Variants in PTBP3 observed in about 807,000 individuals in gnomAD.
The protein encoded by PTBP3 is polypyrimidine tract-binding protein 3.
In PTBP3, 20 loss-of-function variants were observed where a neutral mutation model predicts 58.7. That is an observed-to-expected ratio of 0.34 (90% CI 0.24 to 0.50). The LOEUF (loss-of-function observed/expected upper bound fraction) is 0.50. Ranked by LOEUF, PTBP3 falls within the 20% of genes least tolerant of loss-of-function variation. PTBP3 has a pLI of 0.98. For missense variants in PTBP3, 509 were observed against 637.2 expected, an observed-to-expected ratio of 0.80 and a Z score of 2.17; for synonymous variants, 185 against 219.8, an observed-to-expected ratio of 0.84 and a Z score of 1.40.
chr9:112,300,118 A>G (rs1828854455), intron 1 of PTBP3, among the ~76,000 whole-genome samples: 1 of 152,234 alleles, frequency 6.6e-6, no homozygotes, highest in Admixed American at 6.5e-5. Context: ...GTGGGGTGAC[A>G]AAAACTCTTA....
In PTBP3 at chr9:112,273,283, G is replaced by A. The variant is rs147371671; in HGVS notation, c.204+2561C>T. On this transcript the variant is annotated intron_variant, in intron 3 of 13. Transcript: ENST00000374257. Reference sequence around the variant, plus strand: ...ATTTAAAGGTAAAAATGTCCGTGATGTACTTTGAAGCCATTATCCACTTGT... The same window carrying A: ...ATTTAAAGGTAAAAATGTCCGTGATATACTTTGAAGCCATTATCCACTTGT... Among the ~76,000 whole-genome samples the A allele has an allele frequency of 7.9e-5, 12 of 152,290 alleles. No homozygotes were observed. The East Asian group carries it at 1.3e-3, about 17-fold the overall frequency.
intron 3 of PTBP3, 134 bp from the exon 4 acceptor site, chr9:112,268,329 A>G (rs1159093075): frequency 1.3e-6 from 1 of 778,344 alleles, no homozygotes; most frequent in Non-Finnish European, 1.9e-6. Flanking sequence ...GGGAGGGAAA[A>G]ACAAAAAAAC....
At chr9:112,342,276 C>T in the PTBP3 span, among the ~76,000 whole-genome samples, 3 of 152,150 alleles carry the variant, frequency 2.0e-5, no homozygotes, top group Non-Finnish European at 2.9e-5. Flanking sequence ...TCCAGCTTGC[C>T]GATGGCCTAT....
At chr9:112,297,456 C>T (rs1255070735) in intron 2 of PTBP3, among the ~76,000 whole-genome samples, 7 of 152,192 alleles carry the variant, frequency 4.6e-5, no homozygotes, top group South Asian at 2.1e-4. Context: ...CAGCCAGCCT[C>T]GGCCTCCCAA....
intron 9 of PTBP3, among the ~76,000 whole-genome samples, 176 bp from the exon 10 acceptor site, chr9:112,231,589 A>C (rs1368891093): frequency 2.0e-5 from 3 of 152,216 alleles, no homozygotes; most frequent in African/African-American, 7.2e-5. Context: ...AAGCATTTTA[A>C]TTTGAATACA....
the PTBP3 span, among the ~76,000 whole-genome samples, chr9:112,376,360 TCTC>T: frequency 6.7e-6 from 1 of 148,600 alleles, no homozygotes; most frequent in Admixed American, 6.9e-5. Context: ...TTCAAGCGAT[TCTC>T]CTGCCTTAGC....
chr9:112,343,212 A>ATT, the PTBP3 span, among the ~76,000 whole-genome samples: 51,874 of 147,822 alleles, frequency 0.35, 9,201 homozygotes, highest in South Asian at 0.43. Context: ...ACTCTGAACA[A>ATT]TTTTTTTTTT....
upstream of PTBP3, among the ~76,000 whole-genome samples, chr9:112,336,490 A>C (rs1159434047): frequency 7.1e-6 from 1 of 140,052 alleles, no homozygotes; most frequent in Non-Finnish European, 1.5e-5. Context: ...TTTAAAAAAA[A>C]AAAAATTTGG....
chr9:112,231,749 A>T (rs945132192), intron 9 of PTBP3, among the ~76,000 whole-genome samples: 9 of 40,792 alleles, frequency 2.2e-4, no homozygotes, highest in African/African-American at 1.4e-3. Context: ...AAAAGAATTA[A>T]AAAAAAAAAT....
At chr9:112,257,928 G>A (rs1287954916) in intron 5 of PTBP3, among the ~76,000 whole-genome samples, 1 of 124,776 alleles carries the variant, frequency 8.0e-6, no homozygotes, top group Non-Finnish European at 1.6e-5. Flanking sequence ...CTATAAGAGT[G>A]AGACTCCATC....
chr9:112,301,111 C>T (rs988041332), intron 1 of PTBP3, among the ~76,000 whole-genome samples: 3 of 152,088 alleles, frequency 2.0e-5, no homozygotes, highest in African/African-American at 7.2e-5. Context: ...ACAAGTCACA[C>T]ATCTCACAAG....
chr9:112,325,482 C>T (rs578261109), intron 1 of PTBP3, among the ~76,000 whole-genome samples: 2 of 151,994 alleles, frequency 1.3e-5, no homozygotes, highest in South Asian at 4.2e-4. Context: ...TCTCCTCACC[C>T]TTCAATGTGT....
intron 3 of PTBP3, among the ~76,000 whole-genome samples, chr9:112,270,450 T>C (rs1470625757): frequency 6.6e-6 from 1 of 152,238 alleles, no homozygotes; most frequent in Non-Finnish European, 1.5e-5. Flanking sequence ...GAGTGCTATT[T>C]GGGGAATATC....
intron 1 of PTBP3, among the ~76,000 whole-genome samples, chr9:112,327,790 C>T (rs10117239): frequency 0.84 from 125,676 of 150,126 alleles, 52,834 homozygotes; most frequent in South Asian, 0.92. Context: ...TAGTATATGA[C>T]TAATAGAGGA....
the PTBP3 span, among the ~76,000 whole-genome samples, chr9:112,374,941 G>A: frequency 6.6e-6 from 1 of 152,198 alleles, no homozygotes; most frequent in Non-Finnish European, 1.5e-5. Flanking sequence ...GCTCAGTGTT[G>A]GTCTCTGCTG....
Position 112,219,950 on chromosome 9 carries a change from G to T in PTBP3, c.*3901C>A. The T allele has an allele frequency of 4.1e-6, 2 of 484,856 alleles. No homozygotes were observed. Among genetic ancestry groups the T allele is most frequent in the Non-Finnish European group, 5.7e-6 (2 of 352,304 alleles). 30.0% of individuals were successfully genotyped at this position (484,856 alleles called of 1,614,324 possible). A position where few individuals can be genotyped will look rare whatever the true frequency, so the allele number is the denominator to read the frequency against. On this transcript the variant is annotated 3_prime_UTR_variant, in exon 14 of 14. Transcript: ENST00000374257. ...AACACAACTCTTTTAAAAGACAGCT[G>T]AGTTATATTTTCAAATTTTGTGCAA...
chr9:112,301,829 A>G lies in PTBP3; in HGVS notation c.-51-3913T>C, dbSNP rs189915107. Among the ~76,000 whole-genome samples, 18 of 152,352 alleles carry G rather than the reference A, an allele frequency of 1.2e-4. 1 individual carries two copies. In the East Asian group the frequency reaches 3.3e-3, roughly 28 times the overall value. On this transcript the variant is annotated intron_variant, in intron 1 of 13. Transcript: ENST00000374257. Reference sequence around the variant, plus strand: ...GGAGGAAACTTAGTGAGGGGCACACAGGACCTTTCTGTACTATCTTTATAA... The same window carrying G: ...GGAGGAAACTTAGTGAGGGGCACACGGGACCTTTCTGTACTATCTTTATAA...
intron 1 of PTBP3, among the ~76,000 whole-genome samples, chr9:112,300,129 T>C (rs999644869): frequency 3.9e-5 from 6 of 152,202 alleles, no homozygotes; most frequent in African/African-American, 7.2e-5. Context: ...AAAACTCTTA[T>C]ATGGGAGTTA....
intron 1 of PTBP3, among the ~76,000 whole-genome samples, chr9:112,311,223 C>A (rs1378934554): frequency 2.0e-5 from 3 of 151,468 alleles, no homozygotes; most frequent in Admixed American, 6.6e-5. Flanking sequence ...ATACGATTGG[C>A]CCACCGTATC....
Sources: allele counts gnomAD v4.1 joint callset (sites outside exome capture counted in the v4.1 genomes callset), GRCh38; gene constraint gnomAD v4.1.1; transcripts MANE v1.5; gene names NCBI Gene and HGNC (gene_info 2026-07-23, HGNC 2026-07-21).